PCDHA10: variants seen among roughly 807,000 people sequenced by gnomAD.
PCDHA10 encodes protocadherin alpha 10, also known as protocadherin alpha-10.
PCDHA10 carries 45 observed loss-of-function variants against 61.2 expected under a neutral mutation model. That is an observed-to-expected ratio of 0.74 (90% CI 0.58 to 0.94). The LOEUF (loss-of-function observed/expected upper bound fraction) is 0.94, where lower values mean the gene tolerates loss of function less well. PCDHA10 is among the 40% of genes least tolerant of loss of function. PCDHA10 has a pLI of 0.00. For missense variants in PCDHA10, 1,278 were observed against 1,236.2 expected (o/e 1.03, Z -0.51); for synonymous variants, 602 against 548.8 (o/e 1.10, Z -1.35).
chr5:140,942,439 A>G (rs1554214983), intron 1 of PCDHA10, among the ~76,000 whole-genome samples: 1 of 152,082 alleles, frequency 6.6e-6, no homozygotes, highest in Non-Finnish European at 1.5e-5. Flanking sequence ...AACAATAAAC[A>G]AGTAAACTAT....
chr5:140,946,828 G>A (rs246052), intron 1 of PCDHA10, among the ~76,000 whole-genome samples: 84,737 of 150,610 alleles, frequency 0.56, 24,429 homozygotes, highest in African/African-American at 0.69. Context: ...CCAGAGATGG[G>A]TAGGGCAGTA....
At chr5:140,931,183 T>C (rs1225985669) in intron 1 of PCDHA10, among the ~76,000 whole-genome samples, 2 of 152,158 alleles carry the variant, frequency 1.3e-5, no homozygotes, top group Non-Finnish European at 2.9e-5. Context: ...GGGAAGGAAA[T>C]TGGTGCACTA....
At chr5:140,914,778 T>G (rs942539067) in intron 1 of PCDHA10, among the ~76,000 whole-genome samples, 1 of 152,138 alleles carries the variant, frequency 6.6e-6, no homozygotes, top group African/African-American at 2.4e-5. Flanking sequence ...ATGACTTATC[T>G]TATGACCCAT....
intron 2 of PCDHA10, among the ~76,000 whole-genome samples, chr5:140,981,645 A>G (rs2096941816): frequency 6.6e-6 from 1 of 152,126 alleles, no homozygotes; most frequent in Admixed American, 6.6e-5. Context: ...TTCTCTTAGG[A>G]TCCCACTTAT....
In PCDHA10 at chr5:140,960,243, G is replaced by A. The variant is rs531821446; in HGVS notation, c.2389-18706G>A. On this transcript the variant is annotated intron_variant, in intron 1 of 3. Coordinates refer to ENST00000307360, the MANE Select transcript of PCDHA10 (RefSeq NM_018901.4). The stretch of plus-strand genomic sequence containing the variant: ...AGAAACAGAGCCATGGTAAAAAGAA[G>A]CTTCCTGGAGCTTCTGATAAATTCC... 3.9e-5 allele frequency among the ~76,000 whole-genome samples: 6 copies of A among 152,270 alleles called. No individual in the cohort carries two copies. The East Asian group carries it at 1.2e-3, about 29-fold the overall frequency.
At chr5:140,890,700 A>T (rs1265643590) in intron 1 of PCDHA10, among the ~76,000 whole-genome samples, 1 of 152,214 alleles carries the variant, frequency 6.6e-6, no homozygotes, top group East Asian at 1.9e-4. Context: ...CAGGGACCTT[A>T]CATTTTTAAA....
chr5:140,858,610 T>G, intron 1 of PCDHA10, 174 bp downstream of exon 1: 1 of 1,234,746 alleles, frequency 8.1e-7, no homozygotes, highest in Non-Finnish European at 1.1e-6. Flanking sequence ...TAAAATTTTT[T>G]TATCCTACCC....
intron 1 of PCDHA10, chr5:140,883,596 TG>T (rs1562791192): frequency 7.4e-6 from 12 of 1,613,794 alleles, no homozygotes; most frequent in Non-Finnish European, 1.0e-5. Context: ...AGCGTGTCGG[TG>T]GGGGTGGCCG....
intron 1 of PCDHA10, among the ~76,000 whole-genome samples, chr5:140,931,140 G>C (rs1176305397): frequency 6.6e-6 from 1 of 152,070 alleles, no homozygotes; most frequent in African/African-American, 2.4e-5. Context: ...TATTTGCAGT[G>C]GATACTATTT....
intron 1 of PCDHA10, chr5:140,882,756 G>T: frequency 6.2e-7 from 1 of 1,614,238 alleles, no homozygotes; most frequent in Non-Finnish European, 8.5e-7. Flanking sequence ...GCAGATATTG[G>T]AGTAAACTCG....
chr5:140,927,209 A>G, intron 1 of PCDHA10: 2 of 1,614,092 alleles, frequency 1.2e-6, no homozygotes, highest in Non-Finnish European at 1.7e-6. Context: ...GACCCGCTGG[A>G]GCTGCACAAG....
chr5:140,964,909 A>G (rs1164322313), intron 1 of PCDHA10, among the ~76,000 whole-genome samples: 1 of 152,208 alleles, frequency 6.6e-6, no homozygotes, highest in African/African-American at 2.4e-5. Context: ...GCTTCTCTGG[A>G]ATAACACTGG....
At position 140,924,416 on chromosome 5, in the gene PCDHA10, T is replaced by A. The variant is rs1283567998; in HGVS notation, c.2389-54533T>A. 1.3e-5 allele frequency among the ~76,000 whole-genome samples: 2 copies of A among 152,192 alleles called. 1 individual carries two copies. The highest frequency in any genetic ancestry group is 4.1e-4 in the South Asian group (2 of 4,830). ...TATTGCCTTATATCACAGTGTGCCC[T>A]TTCTAGTTCCCTAGAAGAGATAACG... is the stretch of plus-strand genomic sequence containing the variant. On this transcript the variant is annotated intron_variant, in intron 1 of 3. Coordinates refer to ENST00000307360, the MANE Select transcript of PCDHA10 (RefSeq NM_018901.4).
chr5:140,913,107 CA>C (rs2076210472), intron 1 of PCDHA10, among the ~76,000 whole-genome samples: 1 of 152,078 alleles, frequency 6.6e-6, no homozygotes, highest in South Asian at 2.1e-4. Context: ...CTCATAGAAT[CA>C]GTTTGGAAGT....
intron 3 of PCDHA10, among the ~76,000 whole-genome samples, chr5:140,994,520 T>C (rs2097631658): frequency 6.8e-6 from 1 of 147,840 alleles, no homozygotes; most frequent in African/African-American, 2.6e-5. Context: ...CTGGGCAACA[T>C]GGCAAAACCC....
chr5:140,882,582 A>G (rs1554174663), intron 1 of PCDHA10: 1 of 1,614,114 alleles, frequency 6.2e-7, no homozygotes, highest in East Asian at 2.2e-5. Context: ...TGCAGCATCC[A>G]CCTGGAGGTG....
intron 1 of PCDHA10, among the ~76,000 whole-genome samples, chr5:140,931,965 CAT>C (rs1195736359): frequency 6.6e-6 from 1 of 151,852 alleles, no homozygotes; most frequent in African/African-American, 2.4e-5. Context: ...CATGTTGATG[CAT>C]ATGTGTTTAT....
At position 140,858,417 on chromosome 5, in the gene PCDHA10, G is replaced by A; in HGVS notation, c.2369G>A (p.Gly790Glu). The change falls in exon 1 of 4, where the codon GGA (glycine) becomes GAA (glutamate). Residue 790 changes from glycine (G) to glutamate (E), a missense_variant. Transcript: ENST00000307360. Reference sequence around the variant, plus strand: ...GTGGACGGGGAAGATCAGTCTATTGGAGGGGACCACTCTAGGAAGGTGGGT... The same window carrying A: ...GTGGACGGGGAAGATCAGTCTATTGAAGGGGACCACTCTAGGAAGGTGGGT... ...VDVDGEDQSI[G>E]GDHSRKPRQP... The A allele has an allele frequency of 6.4e-7, 1 of 1,560,448 alleles. No homozygotes were observed. The highest frequency in any genetic ancestry group is 8.7e-7 in the Non-Finnish European group (1 of 1,144,826).
intron 1 of PCDHA10, among the ~76,000 whole-genome samples, chr5:140,977,004 A>C (rs1554238156): frequency 6.6e-6 from 1 of 152,222 alleles, no homozygotes; most frequent in East Asian, 1.9e-4. Flanking sequence ...GAAATCTTGT[A>C]ACTGTGATTC....
Sources: gnomAD v4.1 joint callset for allele counts (sites outside exome capture counted in the v4.1 genomes callset) on GRCh38, gnomAD v4.1.1 for gene constraint, MANE v1.5 for transcripts, NCBI Gene and HGNC (gene_info 2026-07-23, HGNC 2026-07-21) for gene names.